Variants in CHRNA5 observed in about 807,000 individuals in gnomAD.
CHRNA5 encodes the protein neuronal acetylcholine receptor subunit alpha-5.
CHRNA5 carries 28 observed loss-of-function variants against 41.2 expected under a neutral mutation model. The observed-to-expected ratio is 0.68, with a 90% confidence interval of 0.50 to 0.93. The LOEUF is 0.93. CHRNA5 is among the 40% of genes least tolerant of loss of function. The probability of loss-of-function intolerance (pLI) is 0.00; values close to 1 mark genes in which losing one functional copy is unlikely to be tolerated. For synonymous variants in CHRNA5, 188 were observed against 205.8 expected (o/e 0.91, Z 0.74); for missense variants, 481 against 581.9 (o/e 0.83, Z 1.78).
chr15:78,572,223 T>G (rs961438955), intron 1 of CHRNA5, among the ~76,000 whole-genome samples: 1 of 152,212 alleles, frequency 6.6e-6, no homozygotes. Flanking sequence ...CCCCCTTGAC[T>G]CAGCAGTTTT....
At chr15:78,577,894 G>T (rs1009206888) in intron 1 of CHRNA5, among the ~76,000 whole-genome samples, 6 of 143,062 alleles carry the variant, frequency 4.2e-5, no homozygotes, top group African/African-American at 1.6e-4. Flanking sequence ...TTGCACCATT[G>T]CACTCCAGAC....
In CHRNA5 at chr15:78,579,614, A is replaced by G. The variant is rs1359803110; in HGVS notation, c.107-1197A>G. On this transcript the variant is annotated intron_variant, in intron 1 of 5. Coordinates refer to ENST00000299565, the Ensembl canonical transcript of CHRNA5. ...TCTTTATCCTCAGTATCCCTATATC[A>G]GCATAACTTTTGGAAAGAGATCATT... 3.9e-5 allele frequency among the ~76,000 whole-genome samples: 6 copies of G among 152,154 alleles called. No homozygotes were observed. The East Asian group carries it at 1.2e-3, about 29-fold the overall frequency.
At chr15:78,582,038 G>A (rs1422063368) in intron 2 of CHRNA5, among the ~76,000 whole-genome samples, 1 of 152,138 alleles carries the variant, frequency 6.6e-6, no homozygotes, top group East Asian at 1.9e-4. Context: ...CTTAAGAAAG[G>A]CAGTTAGTGA....
At chr15:78,590,664 A>T (rs1360446382) in intron 5 of CHRNA5, 28 bp downstream of exon 5, 4 of 1,547,080 alleles carry the variant, frequency 2.6e-6, no homozygotes, top group Non-Finnish European at 2.6e-6. Context: ...ACAAATGCAG[A>T]TCTTCTTCCA....
At chr15:78,590,945 T>A in intron 5 of CHRNA5, 1 of 276,476 alleles carries the variant, frequency 3.6e-6, no homozygotes, top group Non-Finnish European at 6.8e-6. Context: ...GGCTCTGACC[T>A]GATGAATTGT....
chr15:78,568,089 C>T (rs988394510), intron 1 of CHRNA5, among the ~76,000 whole-genome samples: 3 of 152,054 alleles, frequency 2.0e-5, no homozygotes, highest in Admixed American at 6.6e-5. Flanking sequence ...ATATAATTAC[C>T]TTTATTTTTA....
chr15:78,585,714 T>G (rs2052952890), intron 2 of CHRNA5, among the ~76,000 whole-genome samples: 1 of 152,006 alleles, frequency 6.6e-6, no homozygotes, highest in Non-Finnish European at 1.5e-5. Context: ...TCTACAAAAG[T>G]AGGCACGAAA....
Position 78,590,235 on chromosome 15 carries a change from A to G in CHRNA5, c.844A>G (p.Ile282Val), listed in dbSNP as rs565053075. 1.7e-5 allele frequency: 27 copies of G among 1,613,976 alleles called. No individual in the cohort carries two copies. The African/African-American group carries it at 3.3e-4, about 20-fold the overall frequency. ...TCTTCCTTCAAATGAAGGTGAAAAG[A>G]TTTGTCTCTGCACTTCAGTACTTGT... Residue 282 changes from isoleucine to valine, a missense_variant, in exon 5 of 6, where the codon ATT becomes GTT. By Grantham distance (29) the Ile-to-Val change is conservative. Transcript: ENST00000299565.
chr15:78,577,271 G>A (rs1479386965), intron 1 of CHRNA5, among the ~76,000 whole-genome samples: 2 of 152,158 alleles, frequency 1.3e-5, no homozygotes, highest in African/African-American at 2.4e-5. Flanking sequence ...AAAATGAGGG[G>A]ATGCATTGGA....
At chr15:78,575,294 C>T (rs1024681185) in intron 1 of CHRNA5, among the ~76,000 whole-genome samples, 4 of 152,114 alleles carry the variant, frequency 2.6e-5, no homozygotes, top group Non-Finnish European at 4.4e-5. Flanking sequence ...TTACTGTATA[C>T]ACATTTATAC....
rs763352265 is a variant in CHRNA5 at position 78,590,015 on chromosome 15, CAA to C, written c.625_626del (p.Lys209GlufsTer5). On this transcript the variant is annotated frameshift_variant, in exon 5 of 6. Transcript: ENST00000299565. LOFTEE classifies it high-confidence loss of function. ...TAATTCTAGAGGACCAAGATGTAGA[CAA>C]GAGAGATTTTTTTGATAATGGAGAA... 2.5e-6 allele frequency: 4 copies of C among 1,613,994 alleles called. No homozygotes were observed. The highest frequency in any genetic ancestry group is 2.7e-5 in the African/African-American group (2 of 74,894).
intron 3 of CHRNA5, among the ~76,000 whole-genome samples, 185 bp downstream of exon 3, chr15:78,586,874 C>T (rs938809874): frequency 6.6e-6 from 1 of 152,098 alleles, no homozygotes; most frequent in Non-Finnish European, 1.5e-5. Context: ...TGTATTTATT[C>T]AGCTAGTATT....
chr15:78,579,660 T>G (rs2052892170), intron 1 of CHRNA5, among the ~76,000 whole-genome samples: 1 of 152,192 alleles, frequency 6.6e-6, no homozygotes, highest in African/African-American at 2.4e-5. Context: ...CACTCTGTCT[T>G]AAACATACTG....
At chr15:78,565,761 G>C (rs1448234223) in exon 1 of CHRNA5, 1 of 1,213,776 alleles carries the variant, frequency 8.2e-7, no homozygotes, top group Non-Finnish European at 1.0e-6. Flanking sequence ...TCCGCCTGCT[G>C]CTCTTGGTCC....
At chr15:78,594,341 TAGA>T (rs2053063741) in exon 6 of CHRNA5, 1 of 152,146 alleles carries the variant, frequency 6.6e-6, no homozygotes, top group Non-Finnish European at 1.5e-5. Flanking sequence ...TCCTTGATCT[TAGA>T]ATAGTCAGTC....
At chr15:78,572,524 C>T (rs1567052213) in intron 1 of CHRNA5, among the ~76,000 whole-genome samples, 1 of 151,944 alleles carries the variant, frequency 6.6e-6, no homozygotes, top group Non-Finnish European at 1.5e-5. Context: ...GCTCTTGTTG[C>T]CCAGGCTGGA....
At chr15:78,586,277 C>A (rs1486651734) in intron 2 of CHRNA5, among the ~76,000 whole-genome samples, 2 of 152,218 alleles carry the variant, frequency 1.3e-5, no homozygotes, top group African/African-American at 4.8e-5. Flanking sequence ...TAATTCATGG[C>A]AGCTTGTAAT....
chr15:78,579,960 A>G (rs1216935381), intron 1 of CHRNA5, among the ~76,000 whole-genome samples: 3 of 152,168 alleles, frequency 2.0e-5, no homozygotes, highest in African/African-American at 7.2e-5. Context: ...TAAATCAATC[A>G]TTCAATATTT....
chr15:78,593,385 T>G (rs202175642), exon 6 of CHRNA5: 1 of 820,916 alleles, frequency 1.2e-6, no homozygotes, highest in African/African-American at 1.7e-5. Flanking sequence ...TAACCTCAAT[T>G]TATGTTAACA....
Sources: allele counts gnomAD v4.1 joint callset (sites outside exome capture counted in the v4.1 genomes callset), GRCh38; gene constraint gnomAD v4.1.1; transcripts MANE v1.5; gene names NCBI Gene and HGNC (gene_info 2026-07-23, HGNC 2026-07-21).